SLC4A10: variants seen among roughly 807,000 people sequenced by gnomAD.
The protein encoded by SLC4A10 is solute carrier family 4 member 10, also known as sodium-driven chloride bicarbonate exchanger.
SLC4A10 carries 42 observed loss-of-function variants against 137.7 expected under a neutral mutation model. That is an observed-to-expected ratio of 0.30 (90% confidence interval 0.24 to 0.39). SLC4A10 has a LOEUF of 0.39. Ranked by LOEUF, SLC4A10 falls within the 10% of genes least tolerant of loss-of-function variation. SLC4A10 has a pLI of 1.00. For missense variants in SLC4A10, 925 were observed against 1,355.0 expected, an observed-to-expected ratio of 0.68 and a Z score of 4.98; for synonymous variants, 474 against 464.1, an observed-to-expected ratio of 1.02 and a Z score of -0.27.
chr2:161,706,597 A>G (rs1025551588), intron 1 of SLC4A10, among the ~76,000 whole-genome samples: 1 of 151,506 alleles, frequency 6.6e-6, no homozygotes, highest in African/African-American at 2.4e-5. Context: ...TTGATTGTCT[A>G]TAGAGTAGCC....
intron 15 of SLC4A10, among the ~76,000 whole-genome samples, chr2:161,911,698 A>T (rs62188827): frequency 0.067 from 10,206 of 152,148 alleles, 447 homozygotes; most frequent in East Asian, 0.13. Flanking sequence ...TATTAGGCAG[A>T]TCTATGTACC....
chr2:161,906,853 G>A (rs1684507297), intron 15 of SLC4A10, among the ~76,000 whole-genome samples: 1 of 152,010 alleles, frequency 6.6e-6, no homozygotes. Context: ...AGGAGATCGA[G>A]ACCATCCTGG....
At chr2:161,838,355 T>C (rs997937721) in intron 3 of SLC4A10, among the ~76,000 whole-genome samples, 1 of 152,038 alleles carries the variant, frequency 6.6e-6, no homozygotes, top group Admixed American at 6.6e-5. Context: ...AGCTTCAAGA[T>C]GTAAAATATA....
chr2:161,949,335 T>A, intron 18 of SLC4A10, 74 bp downstream of exon 18: 1 of 916,002 alleles, frequency 1.1e-6, no homozygotes, highest in Non-Finnish European at 1.7e-6. Flanking sequence ...ATAACTCTAG[T>A]ACTTAGGATT....
chr2:161,647,248 A>C (rs943953835), intron 1 of SLC4A10, among the ~76,000 whole-genome samples: 1 of 152,064 alleles, frequency 6.6e-6, no homozygotes, highest in African/African-American at 2.4e-5. Flanking sequence ...TTAATGGTAT[A>C]TTTCCTCAAA....
Position 161,804,444 on chromosome 2 carries a change from T to C in SLC4A10, c.131-5T>C. The stretch of plus-strand genomic sequence containing the variant: ...TTTAATTTGTGGGTTTGCTTCCTTA[T>C]GAAGGTCATCGAACACTATTTATTG... On this transcript the variant is annotated splice_region_variant and splice_polypyrimidine_tract_variant and intron_variant, in intron 2 of 26. Coordinates refer to ENST00000446997, the MANE Select transcript of SLC4A10 (RefSeq NM_001178015.2). The C allele has an allele frequency of 6.2e-7, 1 of 1,609,772 alleles. No individual in the cohort carries two copies. Among genetic ancestry groups the C allele is most frequent in the Non-Finnish European group, 8.5e-7 (1 of 1,177,770 alleles).
At chr2:161,740,790 T>A (rs1012568069) in intron 1 of SLC4A10, among the ~76,000 whole-genome samples, 1 of 152,196 alleles carries the variant, frequency 6.6e-6, no homozygotes, top group African/African-American at 2.4e-5. Context: ...TTTATGATAC[T>A]AGGTAGTGAA....
chr2:161,952,953 T>C (rs1695055830), intron 19 of SLC4A10, among the ~76,000 whole-genome samples: 1 of 152,210 alleles, frequency 6.6e-6, no homozygotes, highest in African/African-American at 2.4e-5. Context: ...TGGCTTTGAC[T>C]TGAACCACAT....
intron 16 of SLC4A10, among the ~76,000 whole-genome samples, chr2:161,944,265 C>T (rs1442084181): frequency 6.6e-6 from 1 of 151,814 alleles, no homozygotes; most frequent in South Asian, 2.1e-4. Flanking sequence ...GGTCTTCTGT[C>T]TACACTTTCT....
intron 1 of SLC4A10, among the ~76,000 whole-genome samples, chr2:161,657,981 C>T (rs2037775252): frequency 6.6e-6 from 1 of 152,112 alleles, no homozygotes; most frequent in Non-Finnish European, 1.5e-5. Flanking sequence ...CAGTAAATGA[C>T]AGAGTATTTT....
chr2:161,790,174 T>C (rs1258110209), intron 2 of SLC4A10, among the ~76,000 whole-genome samples: 2 of 152,178 alleles, frequency 1.3e-5, no homozygotes, highest in Non-Finnish European at 2.9e-5. Flanking sequence ...TGATATTTAG[T>C]AACCATATCA....
At chr2:161,753,121 A>G (rs1284304752) in intron 1 of SLC4A10, among the ~76,000 whole-genome samples, 4 of 152,200 alleles carry the variant, frequency 2.6e-5, no homozygotes, top group Non-Finnish European at 4.4e-5. Flanking sequence ...TTTACAAAGC[A>G]TTAAATTATA....
At position 161,851,830 on chromosome 2, in the gene SLC4A10, C is replaced by T. The variant is rs560388108; in HGVS notation, c.417-3140C>T. ...AACAATATGATTTTTTAGTAATGTACGAAGACTTTTCAGGATTTTGTACTT... is the reference window on the plus strand; with the variant it reads ...AACAATATGATTTTTTAGTAATGTATGAAGACTTTTCAGGATTTTGTACTT... On this transcript the variant is annotated intron_variant, in intron 4 of 26. Coordinates refer to ENST00000446997, the MANE Select transcript of SLC4A10 (RefSeq NM_001178015.2). Among the ~76,000 whole-genome samples, 27 of 152,136 alleles carry T rather than the reference C, an allele frequency of 1.8e-4. No homozygotes were observed. In the South Asian group the frequency reaches 1.9e-3, roughly 11 times the overall value.
chr2:161,684,196 A>G (rs1202424759), intron 1 of SLC4A10, among the ~76,000 whole-genome samples: 2 of 152,098 alleles, frequency 1.3e-5, no homozygotes, highest in Non-Finnish European at 2.9e-5. Context: ...AGGTTTATTC[A>G]TGTTGTAGCA....
chr2:161,942,753 G>T, intron 15 of SLC4A10, 39 bp from the exon 16 acceptor site: 1 of 1,496,532 alleles, frequency 6.7e-7, no homozygotes, highest in Non-Finnish European at 9.1e-7. Flanking sequence ...GTCACAAAAA[G>T]CTACTTATTT....
chr2:161,673,816 C>T (rs185466621), intron 1 of SLC4A10, among the ~76,000 whole-genome samples: 194 of 152,106 alleles, frequency 1.3e-3, no homozygotes, highest in Non-Finnish European at 2.2e-3. Context: ...ATAGTGAAAC[C>T]CAGTCTCTAC....
chr2:161,637,923 C>G (rs1337033669), intron 1 of SLC4A10, among the ~76,000 whole-genome samples: 1 of 152,132 alleles, frequency 6.6e-6, no homozygotes, highest in Non-Finnish European at 1.5e-5. Context: ...AATGCCTAAT[C>G]AGATCTTTCA....
intron 1 of SLC4A10, among the ~76,000 whole-genome samples, chr2:161,737,671 A>G (rs1450553409): frequency 6.6e-6 from 1 of 152,176 alleles, no homozygotes; most frequent in African/African-American, 2.4e-5. Context: ...GTTCTACTGT[A>G]ATTTTAAATT....
intron 1 of SLC4A10, among the ~76,000 whole-genome samples, chr2:161,739,808 T>C (rs2047700161): frequency 6.6e-6 from 1 of 152,250 alleles, no homozygotes; most frequent in African/African-American, 2.4e-5. Context: ...CTCTGCATTA[T>C]TGCAGTACCC....
Sources: gnomAD v4.1 joint callset for allele counts (sites outside exome capture counted in the v4.1 genomes callset) on GRCh38, gnomAD v4.1.1 for gene constraint, MANE v1.5 for transcripts, NCBI Gene and HGNC (gene_info 2026-07-23, HGNC 2026-07-21) for gene names.